The following EYS variants were observed in gnomAD, a reference collection of about 807,000 sequenced individuals.
EYS encodes EGF-like photoreceptor maintenance factor.
Under a neutral mutation model 282.1 loss-of-function variants are expected in EYS, and 250 were observed. The observed-to-expected ratio is 0.89, with a 90% CI of 0.80 to 0.98. EYS has a LOEUF of 0.98. Ranked by LOEUF, EYS falls within the 50% of genes least tolerant of loss-of-function variation. The probability of loss-of-function intolerance (pLI) is 0.00; values close to 1 mark genes in which losing one functional copy is unlikely to be tolerated. For missense variants in EYS, 4,016 were observed against 3,709.0 expected, an observed-to-expected ratio of 1.08 and a Z score of -2.15; for synonymous variants, 1,355 against 1,282.9, an observed-to-expected ratio of 1.06 and a Z score of -1.20.
At chr6:65,301,536 C>G (rs907140605) in intron 11 of EYS, among the ~76,000 whole-genome samples, 1 of 152,148 alleles carries the variant, frequency 6.6e-6, no homozygotes, top group Non-Finnish European at 1.5e-5. Flanking sequence ...AGCGGCCAAG[C>G]GAGAAGAAAG....
intron 2 of EYS, among the ~76,000 whole-genome samples, chr6:65,636,553 CAATT>C (rs1767097268): frequency 6.6e-6 from 1 of 152,064 alleles, no homozygotes; most frequent in Non-Finnish European, 1.5e-5. Context: ...AAACAGCCAA[CAATT>C]AACCACTTCC....
chr6:65,340,061 A>G (rs1770140916), intron 10 of EYS, among the ~76,000 whole-genome samples: 1 of 151,156 alleles, frequency 6.6e-6, no homozygotes. Flanking sequence ...AACAGATTTT[A>G]AAAATCATAT....
At chr6:65,595,085 T>C (rs1307817003) in intron 2 of EYS, among the ~76,000 whole-genome samples, 5 of 151,608 alleles carry the variant, frequency 3.3e-5, no homozygotes, top group Non-Finnish European at 4.4e-5. Flanking sequence ...TATAGTTTGA[T>C]AAACTGGATT....
chr6:64,195,442 A>G (rs1308462067), intron 31 of EYS, among the ~76,000 whole-genome samples: 2 of 152,172 alleles, frequency 1.3e-5, no homozygotes, highest in Admixed American at 1.3e-4. Context: ...AGCTGGGACT[A>G]CAGGCACGTG....
intron 26 of EYS, among the ~76,000 whole-genome samples, chr6:64,521,026 C>T (rs931797530): frequency 6.6e-6 from 1 of 151,740 alleles, no homozygotes; most frequent in Admixed American, 6.6e-5. Context: ...CCTCATCCAG[C>T]AATGCGGACA....
At chr6:65,026,658 C>T (rs546161559) in intron 13 of EYS, among the ~76,000 whole-genome samples, 1 of 152,278 alleles carries the variant, frequency 6.6e-6, no homozygotes, top group African/African-American at 2.4e-5. Flanking sequence ...TGGCTCTCTC[C>T]TGTAATCCCA....
chr6:64,921,147 CTAAT>C (rs1049302274), intron 15 of EYS, among the ~76,000 whole-genome samples: 6 of 152,056 alleles, frequency 3.9e-5, no homozygotes, highest in African/African-American at 1.4e-4. Flanking sequence ...ACTATATACT[CTAAT>C]TACTAATCAC....
Position 63,721,136 on chromosome 6 carries a change from A to G in EYS, c.8895T>C (p.Ile2965=), listed in dbSNP as rs1382650210. 1 of 1,551,478 alleles carries G rather than the reference A, an allele frequency of 6.4e-7. No homozygotes were observed. The change falls in exon 43 of 43, where the codon ATT becomes ATC. Residue 2965 remains isoleucine, a synonymous_variant. Transcript: ENST00000503581. ...STAKFMGNSY[I]KYIDPNYRMR... Reference sequence around the variant, plus strand: ...TTCTATAATTTGGATCAATGTATTTAATGTAAGAATTACCCATAAATTTTG... The same window carrying G: ...TTCTATAATTTGGATCAATGTATTTGATGTAAGAATTACCCATAAATTTTG...
At chr6:64,030,691 G>T (rs77059955) in intron 33 of EYS, among the ~76,000 whole-genome samples, 2,519 of 152,290 alleles carry the variant, frequency 0.017, 58 homozygotes, top group East Asian at 0.07. Flanking sequence ...CAGCCATCTT[G>T]TTATTACTTG....
At chr6:64,788,474 T>C (rs548002566) in intron 22 of EYS, among the ~76,000 whole-genome samples, 1 of 152,316 alleles carries the variant, frequency 6.6e-6, no homozygotes, top group Non-Finnish European at 1.5e-5. Flanking sequence ...CATTTTAACA[T>C]TTCCAGAGAA....
At position 64,161,870 on chromosome 6, in the gene EYS, G is replaced by A. The variant is rs117846364; in HGVS notation, c.6424+68722C>T. 7.5e-3 allele frequency among the ~76,000 whole-genome samples: 1,140 copies of A among 152,184 alleles called. 38 individuals are homozygous for A. The highest frequency in any genetic ancestry group is 0.061 in the East Asian group (314 of 5,176). On this transcript the variant is annotated intron_variant, in intron 31 of 42. Transcript: ENST00000503581. ...CTCCATTTACTGTAATTTCTAGATC[G>A]ATTTTCAGGAAGAGTTTGCAGTTTG...
chr6:64,931,890 C>A (rs1413381420), intron 15 of EYS, among the ~76,000 whole-genome samples: 3 of 151,982 alleles, frequency 2.0e-5, no homozygotes, highest in Non-Finnish European at 4.4e-5. Flanking sequence ...GATTGTAGAA[C>A]CCATATTTAT....
At chr6:65,200,775 A>G (rs1027995318) in intron 12 of EYS, among the ~76,000 whole-genome samples, 10 of 152,102 alleles carry the variant, frequency 6.6e-5, no homozygotes, top group Admixed American at 6.6e-4. Context: ...TTGCTTAGCC[A>G]CAAAATTTTC....
Position 65,005,202 on chromosome 6 carries a change from C to T in EYS, c.2138-7499G>A, listed in dbSNP as rs552087329. Among the ~76,000 whole-genome samples, 17 of 148,058 alleles carry T rather than the reference C, an allele frequency of 1.1e-4. 2 individuals carry two copies. The highest frequency in any genetic ancestry group is 6.8e-3 in the Middle Eastern group (2 of 294). ...GATGTCCGCTGTGCTCCTGATCCAG[C>T]GAGGCGCCCATTGCCACTCCCGATC... On this transcript the variant is annotated intron_variant, in intron 13 of 42. Transcript: ENST00000503581.
At chr6:63,935,643 C>T (rs1765037044) in intron 35 of EYS, among the ~76,000 whole-genome samples, 1 of 152,166 alleles carries the variant, frequency 6.6e-6, no homozygotes, top group Admixed American at 6.5e-5. Context: ...GGTCTGCATG[C>T]CAACAGACAG....
At chr6:65,178,192 C>A (rs1285216560) in intron 12 of EYS, among the ~76,000 whole-genome samples, 3 of 151,900 alleles carry the variant, frequency 2.0e-5, no homozygotes, top group Non-Finnish European at 4.4e-5. Context: ...AGCAGCATGA[C>A]CTTATAAAAT....
At chr6:65,621,041 T>G in intron 2 of EYS, among the ~76,000 whole-genome samples, 1 of 152,176 alleles carries the variant, frequency 6.6e-6, no homozygotes, top group East Asian at 1.9e-4. Flanking sequence ...TGATTTGAGG[T>G]GGAGAGTTTT....
intron 35 of EYS, among the ~76,000 whole-genome samples, chr6:63,966,281 A>T (rs928404515): frequency 6.6e-6 from 1 of 152,214 alleles, no homozygotes; most frequent in Admixed American, 6.5e-5. Flanking sequence ...ACAAAACATC[A>T]TATGTTCTCA....
chr6:64,973,567 T>C (rs1770372242), intron 14 of EYS, among the ~76,000 whole-genome samples: 1 of 152,020 alleles, frequency 6.6e-6, no homozygotes, highest in African/African-American at 2.4e-5. Flanking sequence ...CATTCTATAT[T>C]CATTTTAAAG....
Sources: gnomAD v4.1 joint callset for allele counts (sites outside exome capture counted in the v4.1 genomes callset) on GRCh38, gnomAD v4.1.1 for gene constraint, MANE v1.5 for transcripts, NCBI Gene and HGNC (gene_info 2026-07-23, HGNC 2026-07-21) for gene names.